Variants in SFMBT2 observed in about 807,000 individuals in gnomAD.
The protein encoded by SFMBT2 is Scm like with four mbt domains 2.
Under a neutral mutation model 110.1 loss-of-function variants are expected in SFMBT2, and 38 were observed. That is an observed-to-expected ratio of 0.35 (90% CI 0.27 to 0.45). The LOEUF (loss-of-function observed/expected upper bound fraction) is 0.45, where lower values mean the gene tolerates loss of function less well. Among genes scored for constraint, SFMBT2 ranks in the 20% least tolerant of loss-of-function variants. SFMBT2 has a pLI of 1.00. For missense variants in SFMBT2, 1,011 were observed against 1,094.9 expected, an observed-to-expected ratio of 0.92 and a Z score of 1.08; for synonymous variants, 425 against 425.4, an observed-to-expected ratio of 1.00 and a Z score of 0.01.
At chr10:7,407,380 G>C (rs1324025152) in intron 1 of SFMBT2, among the ~76,000 whole-genome samples, 1 of 152,144 alleles carries the variant, frequency 6.6e-6, no homozygotes, top group African/African-American at 2.4e-5. Context: ...TCTCTACGGT[G>C]CAAGAGTGGA....
At chr10:7,337,543 T>G (rs1326015466) in intron 4 of SFMBT2, among the ~76,000 whole-genome samples, 2 of 152,170 alleles carry the variant, frequency 1.3e-5, no homozygotes, top group African/African-American at 4.8e-5. Flanking sequence ...CCCTTCTCTC[T>G]CTTCCTCTTT....
intron 3 of SFMBT2, chr10:7,368,260 G>T: frequency 1.2e-6 from 1 of 820,654 alleles, no homozygotes. Flanking sequence ...GAGCACATCT[G>T]AATGTGGACT....
At chr10:7,311,635 C>T (rs796579871) in intron 4 of SFMBT2, among the ~76,000 whole-genome samples, 5 of 152,336 alleles carry the variant, frequency 3.3e-5, no homozygotes, top group African/African-American at 1.2e-4. Flanking sequence ...CAATATCCTA[C>T]TCACGTCATG....
At chr10:7,174,234 C>T (rs1030716440) in intron 17 of SFMBT2, among the ~76,000 whole-genome samples, 6 of 152,170 alleles carry the variant, frequency 3.9e-5, no homozygotes, top group Admixed American at 6.5e-5. Context: ...AATAAACTGC[C>T]GTGGGCGAGC....
In SFMBT2 at chr10:7,163,943, G is replaced by A. The variant is rs1837622100; in HGVS notation, c.2545-33C>T. 2.5e-6 allele frequency: 4 copies of A among 1,604,650 alleles called. No individual in the cohort carries two copies. Among genetic ancestry groups the A allele is most frequent in the African/African-American group, 2.7e-5 (2 of 74,908 alleles). ...AAAAGAAAGGCAGGTTAGAGAAGGGGCAGTGTGCACTGGGGTACACAGATG... is the reference window on the plus strand; with the variant it reads ...AAAAGAAAGGCAGGTTAGAGAAGGGACAGTGTGCACTGGGGTACACAGATG... On this transcript the variant is annotated intron_variant, in intron 20 of 20. Transcript: ENST00000397167. The surrounding 1 kb of genome is among the most constrained non-coding windows in gnomAD (Gnocchi z 4.8).
At chr10:7,208,981 C>T (rs1839244815) in intron 11 of SFMBT2, among the ~76,000 whole-genome samples, 1 of 152,134 alleles carries the variant, frequency 6.6e-6, no homozygotes, top group African/African-American at 2.4e-5. Flanking sequence ...AAATATATCC[C>T]ATTAAGGCAT....
intron 4 of SFMBT2, among the ~76,000 whole-genome samples, chr10:7,315,835 C>A: frequency 6.6e-6 from 1 of 152,236 alleles, no homozygotes; most frequent in East Asian, 1.9e-4. Context: ...ACAGTCCCCA[C>A]CTCACAGGCT....
At chr10:7,300,528 C>T (rs1166592798) in intron 4 of SFMBT2, among the ~76,000 whole-genome samples, 2 of 152,322 alleles carry the variant, frequency 1.3e-5, no homozygotes, top group South Asian at 2.1e-4. Context: ...CCCCTTCACA[C>T]ATACTTTAGA....
At position 7,367,068 on chromosome 10, in the gene SFMBT2, C is replaced by CT. The variant is rs1203495101; in HGVS notation, c.436+580dup. On this transcript the variant is annotated intron_variant, in intron 4 of 20. Transcript: ENST00000397167. This position sits in a 1 kb window ranked among gnomAD's most constrained non-coding sequence, Gnocchi z 6.2. Reference sequence around the variant, plus strand: ...CTCATCTGTATGGTTTTCTTTCTTTCTTTTTTTTTTTTTAATTATACCTTA... The same window carrying CT: ...CTCATCTGTATGGTTTTCTTTCTTTCTTTTTTTTTTTTTTAATTATACCTTA... 5.3e-4 allele frequency among the ~76,000 whole-genome samples: 76 copies of CT among 143,478 alleles called. No homozygotes were observed. The highest frequency in any genetic ancestry group is 2.5e-3 in the South Asian group (11 of 4,488). 94.1% of individuals were successfully genotyped at this position (143,478 alleles called of 152,430 possible).
intron 10 of SFMBT2, among the ~76,000 whole-genome samples, chr10:7,222,570 G>A (rs1054731087): frequency 8.5e-5 from 13 of 152,082 alleles, no homozygotes; most frequent in East Asian, 1.9e-4. Context: ...CATGCTTTAC[G>A]GCTGTTAATT....
At chr10:7,380,530 G>T (rs1845389369) in intron 2 of SFMBT2, among the ~76,000 whole-genome samples, 1 of 152,166 alleles carries the variant, frequency 6.6e-6, no homozygotes, top group Non-Finnish European at 1.5e-5. Flanking sequence ...TTTGGACCAT[G>T]GTCAAGTGAC....
chr10:7,366,481 A>T (rs1331994539), intron 4 of SFMBT2, among the ~76,000 whole-genome samples: 3 of 152,134 alleles, frequency 2.0e-5, no homozygotes, highest in Admixed American at 1.3e-4. Flanking sequence ...AGGCTAAGTA[A>T]GGCAACTGCT....
intron 4 of SFMBT2, among the ~76,000 whole-genome samples, chr10:7,316,303 C>T (rs947461128): frequency 8.5e-5 from 13 of 152,128 alleles, no homozygotes; most frequent in South Asian, 2.1e-4. Context: ...AAAGATGCTA[C>T]GGCCAAGGGA....
chr10:7,310,821 G>A (rs769416774), intron 4 of SFMBT2, among the ~76,000 whole-genome samples: 11 of 152,068 alleles, frequency 7.2e-5, no homozygotes, highest in African/African-American at 1.7e-4. Flanking sequence ...CAAGGTGGGC[G>A]GATCGCCTGA....
intron 4 of SFMBT2, among the ~76,000 whole-genome samples, chr10:7,315,096 G>GAAAGAAAGAAAGAAAGA (rs1842969006): frequency 6.9e-6 from 1 of 144,928 alleles, no homozygotes; most frequent in African/African-American, 2.5e-5. Context: ...AAGAAAGAAA[G>GAAAGAAAGAAAGAAAGA]AAAGAAAGAA....
intron 1 of SFMBT2, among the ~76,000 whole-genome samples, chr10:7,389,668 A>T (rs371075262): frequency 6.6e-6 from 1 of 152,224 alleles, no homozygotes; most frequent in Non-Finnish European, 1.5e-5. Flanking sequence ...GAATAAGGGA[A>T]TAACAAGCTA....
chr10:7,406,608 C>T (rs753938379), intron 1 of SFMBT2, among the ~76,000 whole-genome samples: 5 of 152,096 alleles, frequency 3.3e-5, no homozygotes, highest in Admixed American at 6.5e-5. Flanking sequence ...AAAGTCTTGA[C>T]TTTTAAGTCA....
intron 4 of SFMBT2, among the ~76,000 whole-genome samples, chr10:7,351,097 A>C (rs949483278): frequency 4.6e-5 from 7 of 152,320 alleles, no homozygotes; most frequent in African/African-American, 1.7e-4. Flanking sequence ...TCATGCTTCT[A>C]ATTTTCTGCT....
chr10:7,270,402 T>C (rs533085778), intron 7 of SFMBT2, among the ~76,000 whole-genome samples: 2 of 152,328 alleles, frequency 1.3e-5, no homozygotes, highest in Non-Finnish European at 2.9e-5. Context: ...TTTGTGACAG[T>C]AGCCTTTGCA....
Sources: gnomAD v4.1 joint callset for allele counts (sites outside exome capture counted in the v4.1 genomes callset) on GRCh38, gnomAD v4.1.1 for gene constraint, Gnocchi (gnomAD v3.1) non-coding constraint, MANE v1.5 for transcripts, NCBI Gene and HGNC (gene_info 2026-07-23, HGNC 2026-07-21) for gene names.